TRIM4: variants seen among roughly 807,000 people sequenced by gnomAD.
The protein encoded by TRIM4 is E3 ubiquitin-protein ligase TRIM4.
Under a neutral mutation model 33.7 loss-of-function variants are expected in TRIM4, and 29 were observed. The observed-to-expected ratio is 0.86, with a 90% CI of 0.64 to 1.17. TRIM4 has a LOEUF of 1.17. TRIM4 is among the 50% of genes most tolerant of loss of function. The pLI is 0.00. For missense variants in TRIM4, 554 were observed against 593.7 expected, an observed-to-expected ratio of 0.93 and a Z score of 0.69; for synonymous variants, 224 against 233.0, an observed-to-expected ratio of 0.96 and a Z score of 0.35.
chr7:99,898,036 T>C (rs1228330990), intron 5 of TRIM4, among the ~76,000 whole-genome samples: 1 of 152,232 alleles, frequency 6.6e-6, no homozygotes, highest in Non-Finnish European at 1.5e-5. Flanking sequence ...GCCCCTCTCC[T>C]CCACAATGGG....
intron 5 of TRIM4, among the ~76,000 whole-genome samples, chr7:99,900,281 CCTTT>C (rs1213006380): frequency 3.9e-5 from 6 of 152,098 alleles, no homozygotes; most frequent in African/African-American, 1.4e-4. Context: ...AAAGGTCAAG[CCTTT>C]TTTTTCTATT....
At position 99,903,301 on chromosome 7, in the gene TRIM4, T is replaced by A. The variant is rs1427104227; in HGVS notation, c.758A>T (p.Asp253Val). 3 of 1,610,808 alleles carry A rather than the reference T, an allele frequency of 1.9e-6. No individual in the cohort carries two copies. The African/African-American group carries it at 4.0e-5, about 22-fold the overall frequency. ...KEVLTRSEIQ[D>V]VNYSLEAVKV... ...TACAGCTTCAAGAGAATAGTTCACATCCTGGATCTCACTCCTAAGAAGGTA... is the reference window on the plus strand; with the variant it reads ...TACAGCTTCAAGAGAATAGTTCACAACCTGGATCTCACTCCTAAGAAGGTA... Residue 253 changes from aspartate to valine, a missense_variant, in exon 5 of 6, where the codon GAT becomes GTT. Physicochemically the swap from Asp to Val is radical, Grantham distance 152. This residue lies in a region of TRIM4 where 290 missense variants were observed against 335.8 expected (regional missense o/e 0.86). Transcript: ENST00000349062.
chr7:99,901,756 C>T (rs1178578274), intron 5 of TRIM4: 1 of 208,072 alleles, frequency 4.8e-6, no homozygotes, highest in African/African-American at 2.3e-5. Flanking sequence ...GAACCGTTCC[C>T]TCTAATCGTT....
intron 1 of TRIM4, among the ~76,000 whole-genome samples, chr7:99,917,279 G>A (rs1819577041): frequency 6.6e-6 from 1 of 152,230 alleles, no homozygotes; most frequent in Admixed American, 6.5e-5. Context: ...ACAATGTTTG[G>A]CAAATAGTAA....
chr7:99,899,474 C>T (rs899011358), intron 5 of TRIM4, among the ~76,000 whole-genome samples: 7 of 152,304 alleles, frequency 4.6e-5, no homozygotes, highest in East Asian at 1.9e-4. Context: ...CTTTCAGACA[C>T]GGTGCCATCC....
rs957628899 is a variant in TRIM4 at position 99,908,630 on chromosome 7, G to C, written c.672C>G (p.Ile224Met). The C allele has an allele frequency of 1.2e-6, 2 of 1,613,996 alleles. No individual in the cohort carries two copies. The highest frequency in any genetic ancestry group is 1.7e-6 in the Non-Finnish European group (2 of 1,179,950). The change falls in exon 3 of 6, where the codon ATC becomes ATG. Residue 224 changes from isoleucine (I) to methionine (M), a missense_variant. By Grantham distance (10) the Ile-to-Met change is conservative (BLOSUM62 1). This residue lies in a region of TRIM4 where 290 missense variants were observed against 335.8 expected (regional missense o/e 0.86). Transcript: ENST00000349062. ...NQTIASLKKLILEVGEKSQAP... is the reference protein window; with the variant it reads ...NQTIASLKKLMLEVGEKSQAP... Reference sequence around the variant, plus strand: ...CCTGGCTCTTCTCCCCCACCTCTAAGATGAGCTTCTTCAATGAAGCGATAG... The same window carrying C: ...CCTGGCTCTTCTCCCCCACCTCTAACATGAGCTTCTTCAATGAAGCGATAG...
Position 99,890,720 on chromosome 7 carries a change from AG to A in TRIM4, c.*1442del, listed in dbSNP as rs1818874579. The stretch of plus-strand genomic sequence containing the variant: ...AACAACAGACACCAGGGACTACTTG[AG>A]GGTAGAGGGTGGAGGAGGGTGGGGT... On this transcript the variant is annotated 3_prime_UTR_variant, in exon 6 of 6. Transcript: ENST00000349062. 2 of 152,148 alleles carry A rather than the reference AG, an allele frequency of 1.3e-5. No individual in the cohort carries two copies. Among genetic ancestry groups the A allele is most frequent in the Admixed American group, 1.3e-4 (2 of 15,268 alleles). The allele number at this position is 152,148 out of a possible 1,614,324, so 9.4% of individuals were successfully genotyped here.
chr7:99,893,078 G>A (rs759189508), intron 5 of TRIM4, among the ~76,000 whole-genome samples: 20 of 152,036 alleles, frequency 1.3e-4, no homozygotes, highest in African/African-American at 3.9e-4. Context: ...GCGAAACCCC[G>A]TCTCTACTGA....
intron 2 of TRIM4, 142 bp downstream of exon 2, chr7:99,909,423 A>G (rs946259333): frequency 2.6e-5 from 16 of 618,496 alleles, no homozygotes; most frequent in Non-Finnish European, 3.6e-5. Flanking sequence ...GTCACATGAT[A>G]TGGAGGAAAC....
intron 1 of TRIM4, 47 bp downstream of exon 1, chr7:99,918,962 G>A (rs761702045): frequency 6.5e-7 from 1 of 1,547,938 alleles, no homozygotes; most frequent in East Asian, 2.5e-5. Context: ...AAACTTTATC[G>A]GGCAACACTG....
At chr7:99,900,734 G>A (rs995668706) in intron 5 of TRIM4, among the ~76,000 whole-genome samples, 1 of 152,124 alleles carries the variant, frequency 6.6e-6, no homozygotes, top group Non-Finnish European at 1.5e-5. Flanking sequence ...TAGAACTCTA[G>A]GTTAACAGTT....
chr7:99,896,621 G>C (rs1312058934), intron 5 of TRIM4, among the ~76,000 whole-genome samples: 1 of 152,124 alleles, frequency 6.6e-6, no homozygotes, highest in Non-Finnish European at 1.5e-5. Flanking sequence ...AATCAATAGG[G>C]GTCTAGCACA....
rs1477922923 is a variant in TRIM4, at chr7:99,891,319, T to C, written c.*844A>G. The stretch of plus-strand genomic sequence containing the variant: ...CTCATTTGTACAAATAGGATTTGAC[T>C]TTCCATCTCACTGAGTTGTGATGAG... On this transcript the variant is annotated 3_prime_UTR_variant, in exon 6 of 6. Coordinates refer to ENST00000349062, the MANE Select transcript of TRIM4 (RefSeq NM_033091.3). 1 of 152,234 alleles carries C rather than the reference T, an allele frequency of 6.6e-6. No individual in the cohort carries two copies. Among genetic ancestry groups the C allele is most frequent in the East Asian group, 1.9e-4 (1 of 5,204 alleles). The allele number at this position is 152,234 out of a possible 1,614,324, so 9.4% of individuals were successfully genotyped here. A position where few individuals can be genotyped will look rare whatever the true frequency, so the allele number is the denominator to read the frequency against.
At chr7:99,907,071 T>C (rs1819323086) in intron 3 of TRIM4, among the ~76,000 whole-genome samples, 1 of 152,216 alleles carries the variant, frequency 6.6e-6, no homozygotes, top group African/African-American at 2.4e-5. Flanking sequence ...AGTACAGTAG[T>C]TCTCTCAGGC....
At chr7:99,910,833 T>C (rs1819424241) in intron 1 of TRIM4, among the ~76,000 whole-genome samples, 1 of 152,158 alleles carries the variant, frequency 6.6e-6, no homozygotes, top group African/African-American at 2.4e-5. Flanking sequence ...CAGCACCCGA[T>C]AGTAGGATGT....
chr7:99,901,063 C>T (rs1392321789), intron 5 of TRIM4: 1 of 152,186 alleles, frequency 6.6e-6, no homozygotes, highest in Non-Finnish European at 1.5e-5. Context: ...TTCAGGGACG[C>T]CAATCACCAT....
chr7:99,903,022 C>A (rs960555926), intron 5 of TRIM4, among the ~76,000 whole-genome samples, 196 bp downstream of exon 5: 1 of 152,126 alleles, frequency 6.6e-6, no homozygotes, highest in Non-Finnish European at 1.5e-5. Flanking sequence ...CAGGTCTCTT[C>A]TTTTTGTATC....
intron 1 of TRIM4, among the ~76,000 whole-genome samples, chr7:99,918,541 G>C (rs1819612290): frequency 6.6e-6 from 1 of 151,046 alleles, no homozygotes; most frequent in African/African-American, 2.5e-5. Flanking sequence ...CTCCAGCCTG[G>C]GCAATAAAGT....
intron 5 of TRIM4, among the ~76,000 whole-genome samples, chr7:99,895,741 A>T (rs1443198282): frequency 4.6e-5 from 7 of 152,218 alleles, no homozygotes; most frequent in Non-Finnish European, 1.0e-4. Context: ...AAATGTTTAG[A>T]ACTTACATTC....
Sources: allele counts gnomAD v4.1 joint callset (sites outside exome capture counted in the v4.1 genomes callset), GRCh38; gene constraint gnomAD v4.1.1; regional missense constraint gnomAD v4.1.1; transcripts MANE v1.5; gene names NCBI Gene and HGNC (gene_info 2026-07-23, HGNC 2026-07-21).